The following KCNMB2 variants were observed in gnomAD, a reference collection of about 807,000 sequenced individuals.
KCNMB2 encodes calcium-activated potassium channel subunit beta-2.
In KCNMB2, 9 loss-of-function variants were observed where a neutral mutation model predicts 24.5. The ratio of observed to expected loss-of-function variants is 0.37; its 90% confidence interval spans 0.22 to 0.64. The LOEUF is 0.64. KCNMB2 is among the 30% of genes least tolerant of loss of function. The pLI is 0.63. For missense variants in KCNMB2, 226 were observed against 284.3 expected, an observed-to-expected ratio of 0.79 and a Z score of 1.47; for synonymous variants, 109 against 104.4, an observed-to-expected ratio of 1.04 and a Z score of -0.27.
chr3:178,567,046 G>A (rs1335303501), intron 1 of KCNMB2, among the ~76,000 whole-genome samples: 1 of 152,220 alleles, frequency 6.6e-6, no homozygotes, highest in African/African-American at 2.4e-5. Flanking sequence ...AATGGAAGTA[G>A]TTCGATTATT....
chr3:178,809,515 C>A (rs1284220710), intron 2 of KCNMB2, among the ~76,000 whole-genome samples: 1 of 152,176 alleles, frequency 6.6e-6, no homozygotes, highest in African/African-American at 2.4e-5. Context: ...AAAGGCCCAA[C>A]AACTAGCCAG....
intron 1 of KCNMB2, among the ~76,000 whole-genome samples, chr3:178,540,183 G>A (rs1448285505): frequency 1.3e-5 from 2 of 152,160 alleles, no homozygotes; most frequent in South Asian, 4.1e-4. Context: ...AAACCTTGGA[G>A]TCCTCTGTGA....
intron 1 of KCNMB2, among the ~76,000 whole-genome samples, chr3:178,734,291 C>T (rs1723247761): frequency 6.6e-6 from 1 of 152,220 alleles, no homozygotes; most frequent in Non-Finnish European, 1.5e-5. Flanking sequence ...CCACTTGTGG[C>T]ATCATGCCTT....
chr3:178,742,331 T>C (rs113719758), intron 1 of KCNMB2, among the ~76,000 whole-genome samples: 31 of 152,338 alleles, frequency 2.0e-4, no homozygotes, highest in African/African-American at 6.0e-4. Flanking sequence ...CACCTATGTC[T>C]TTGCTCTAGA....
chr3:178,772,592 C>T (rs1396297364), intron 1 of KCNMB2, among the ~76,000 whole-genome samples: 1 of 152,138 alleles, frequency 6.6e-6, no homozygotes, highest in Non-Finnish European at 1.5e-5. Context: ...AAATCTCTTA[C>T]TTTTGTAAAT....
intron 1 of KCNMB2, among the ~76,000 whole-genome samples, chr3:178,772,026 T>C (rs1330307974): frequency 3.9e-5 from 6 of 152,146 alleles, no homozygotes; most frequent in Non-Finnish European, 8.8e-5. Flanking sequence ...TCTAGCTAAA[T>C]CCTTTACCTC....
intron 1 of KCNMB2, among the ~76,000 whole-genome samples, chr3:178,584,168 C>A (rs1560118793): frequency 6.6e-6 from 1 of 152,258 alleles, no homozygotes; most frequent in Non-Finnish European, 1.5e-5. Context: ...ATAGCTCATG[C>A]ATCTGGGTAT....
chr3:178,838,914 AT>A (rs1347532440), intron 4 of KCNMB2, among the ~76,000 whole-genome samples: 1 of 152,226 alleles, frequency 6.6e-6, no homozygotes, highest in African/African-American at 2.4e-5. Flanking sequence ...TATAAAAAAA[AT>A]AAGTTTATTA....
intron 1 of KCNMB2, among the ~76,000 whole-genome samples, chr3:178,667,595 C>T (rs1297639218): frequency 2.0e-5 from 3 of 152,012 alleles, no homozygotes; most frequent in Non-Finnish European, 2.9e-5. Context: ...ACTAAGACAC[C>T]ATATGAGGAC....
At position 178,614,250 on chromosome 3, in the gene KCNMB2, TA is replaced by T. The variant is rs1560131574; in HGVS notation, c.-68+77540del. Among the ~76,000 whole-genome samples the T allele has an allele frequency of 1.8e-3, 27 of 15,012 alleles. 1 individual carries two copies. The highest frequency in any genetic ancestry group is 0.01 in the Admixed American group (14 of 1,342). The allele number at this position is 15,012 out of a possible 152,430, so 9.8% of individuals were successfully genotyped here. A position where few individuals can be genotyped will look rare whatever the true frequency, so the allele number is the denominator to read the frequency against. ...CATACCTAAGACTGGGCTAATTTTA[TA>T]TATATATATATATATATATATATAT... On this transcript the variant is annotated intron_variant, in intron 1 of 4. Transcript: ENST00000452583.
At chr3:178,549,151 T>C (rs189625038) in intron 1 of KCNMB2, among the ~76,000 whole-genome samples, 1 of 152,254 alleles carries the variant, frequency 6.6e-6, no homozygotes, top group East Asian at 1.9e-4. Flanking sequence ...ACTTTACAAA[T>C]ATTGCCCACT....
intron 1 of KCNMB2, among the ~76,000 whole-genome samples, chr3:178,549,138 T>C (rs1185583065): frequency 1.3e-5 from 2 of 152,292 alleles, no homozygotes; most frequent in Non-Finnish European, 2.9e-5. Context: ...ATGCTTTACA[T>C]CCACTTTACA....
chr3:178,571,447 GAT>G (rs71181237), intron 1 of KCNMB2, among the ~76,000 whole-genome samples: 2,153 of 90,762 alleles, frequency 0.024, 29 homozygotes, highest in South Asian at 0.036. Context: ...TTTCCTTATG[GAT>G]ATATATATAT....
chr3:178,572,727 C>G (rs1374992010), intron 1 of KCNMB2, among the ~76,000 whole-genome samples: 1 of 152,130 alleles, frequency 6.6e-6, no homozygotes, highest in African/African-American at 2.4e-5. Context: ...TGACATTATT[C>G]ATCCAGACTC....
chr3:178,808,956 C>T (rs1393659990), intron 2 of KCNMB2, among the ~76,000 whole-genome samples: 1 of 152,130 alleles, frequency 6.6e-6, no homozygotes, highest in East Asian at 1.9e-4. Context: ...ATTTAAAAAA[C>T]AAGTCCCAGT....
chr3:178,692,182 A>T (rs1721704492), intron 1 of KCNMB2, among the ~76,000 whole-genome samples: 1 of 152,082 alleles, frequency 6.6e-6, no homozygotes, highest in Admixed American at 6.5e-5. Flanking sequence ...TTTTTCTCCC[A>T]TTCTGTAGGT....
chr3:178,734,574 C>A (rs535870358), intron 1 of KCNMB2, among the ~76,000 whole-genome samples: 2 of 152,150 alleles, frequency 1.3e-5, no homozygotes, highest in African/African-American at 4.8e-5. Flanking sequence ...ACAATTCTAG[C>A]GTTACCTATT....
At chr3:178,720,165 G>A (rs1436719773) in intron 1 of KCNMB2, among the ~76,000 whole-genome samples, 1 of 150,944 alleles carries the variant, frequency 6.6e-6, no homozygotes, top group East Asian at 2.0e-4. Flanking sequence ...AGAGTGTGAT[G>A]TTCCCCTTCC....
intron 4 of KCNMB2, among the ~76,000 whole-genome samples, chr3:178,841,902 AAAAG>A (rs1715442101): frequency 6.6e-6 from 1 of 152,242 alleles, no homozygotes; most frequent in African/African-American, 2.4e-5. Context: ...TGAAAAGATC[AAAAG>A]AAAGGTAGCA....
Sources: allele counts gnomAD v4.1 joint callset (sites outside exome capture counted in the v4.1 genomes callset), GRCh38; gene constraint gnomAD v4.1.1; transcripts MANE v1.5; gene names NCBI Gene and HGNC (gene_info 2026-07-23, HGNC 2026-07-21).